MYO3B: variants seen among roughly 807,000 people sequenced by gnomAD.
MYO3B encodes the protein myosin-IIIb.
A neutral mutation model predicts 174.6 loss-of-function variants in MYO3B; 156 were observed. The ratio of observed to expected loss-of-function variants is 0.89; its 90% CI spans 0.78 to 1.02. The LOEUF is 1.02. Ranked by LOEUF, MYO3B falls within the 50% of genes least tolerant of loss-of-function variation. The pLI, the probability that MYO3B is intolerant of heterozygous loss-of-function variation, is 0.00. For synonymous variants in MYO3B, 563 were observed against 569.1 expected (o/e 0.99, Z 0.15); for missense variants, 1,632 against 1,639.4 (o/e 1.00, Z 0.08).
chr2:170,440,629 T>G (rs1390865109), intron 22 of MYO3B, among the ~76,000 whole-genome samples: 1 of 151,214 alleles, frequency 6.6e-6, no homozygotes. Context: ...GGCGCGTGCC[T>G]CTAATCCCAG....
Position 170,403,337 on chromosome 2 carries a change from C to T in MYO3B, c.2277+342C>T, listed in dbSNP as rs533034625. Among the ~76,000 whole-genome samples the T allele has an allele frequency of 5.9e-5, 9 of 152,198 alleles. No individual in the cohort carries two copies. The South Asian group carries it at 1.9e-3, about 32-fold the overall frequency. On this transcript the variant is annotated intron_variant, in intron 19 of 34. Coordinates refer to ENST00000408978, the MANE Select transcript of MYO3B (RefSeq NM_138995.5). ...AAAATGACACAGATGACCTTGAATT[C>T]GGGACATAGGTTCTTAACTGCTACA...
chr2:170,481,990 G>C (rs989435388), intron 25 of MYO3B, among the ~76,000 whole-genome samples: 38 of 152,122 alleles, frequency 2.5e-4, no homozygotes, highest in African/African-American at 8.5e-4. Context: ...GTTTGGCTGT[G>C]TCCTCACCCA....
chr2:170,433,763 A>G (rs922393835), intron 22 of MYO3B, among the ~76,000 whole-genome samples: 3 of 152,234 alleles, frequency 2.0e-5, no homozygotes, highest in Admixed American at 2.0e-4. Context: ...CAGAGGCTAT[A>G]CCATCTAGGT....
chr2:170,323,199 T>C lies in MYO3B; in HGVS notation c.750-12186T>C, dbSNP rs535370703. On this transcript the variant is annotated intron_variant, in intron 7 of 34. Transcript: ENST00000408978. ...GGTCTTATTGTGGTAAAATGACCCA[T>C]TTGGTTTTACCAGCTGTGACTTTGG... Among the ~76,000 whole-genome samples, 3 of 152,318 alleles carry C rather than the reference T, an allele frequency of 2.0e-5. No individual in the cohort carries two copies. In the South Asian group the frequency reaches 6.2e-4, roughly 32 times the overall value.
intron 7 of MYO3B, among the ~76,000 whole-genome samples, chr2:170,250,261 A>G (rs1262859579): frequency 6.6e-6 from 1 of 152,240 alleles, no homozygotes; most frequent in Non-Finnish European, 1.5e-5. Context: ...CATCTTATTC[A>G]TTTTAAAATT....
At position 170,501,718 on chromosome 2, in the gene MYO3B, C is replaced by G. The variant is rs911878761; in HGVS notation, c.3290-67C>G. On this transcript the variant is annotated intron_variant, in intron 27 of 34. Coordinates refer to ENST00000408978, the MANE Select transcript of MYO3B (RefSeq NM_138995.5). Reference sequence around the variant, plus strand: ...GGCAATAGGCTGGAGGGGAAAACAGCTTATATCAATTCTCTGGCACGTTCT... The same window carrying G: ...GGCAATAGGCTGGAGGGGAAAACAGGTTATATCAATTCTCTGGCACGTTCT... 23 of 1,082,118 alleles carry G rather than the reference C, an allele frequency of 2.1e-5. No individual in the cohort carries two copies. In the African/African-American group the frequency reaches 3.4e-4, roughly 16 times the overall value. The allele number at this position is 1,082,118 out of a possible 1,614,324, so 67.0% of individuals were successfully genotyped here.
Position 170,432,797 on chromosome 2 carries a change from G to A in MYO3B, c.2651-11170G>A, listed in dbSNP as rs927516417. Among the ~76,000 whole-genome samples, 9 of 151,504 alleles carry A rather than the reference G, an allele frequency of 5.9e-5. No individual in the cohort carries two copies. In the South Asian group the frequency reaches 1.3e-3, roughly 21 times the overall value. ...TCACCGTGTTAGCCAGGATGGTCTC[G>A]ATCTCCTGACCTTGTGATCCACCTG... On this transcript the variant is annotated intron_variant, in intron 22 of 34. Transcript: ENST00000408978.
intron 8 of MYO3B, among the ~76,000 whole-genome samples, chr2:170,335,910 T>C (rs1252678108): frequency 2.6e-5 from 4 of 152,112 alleles, no homozygotes; most frequent in Non-Finnish European, 5.9e-5. Context: ...AAGTAGAATC[T>C]CAGGCTTGGG....
intron 7 of MYO3B, among the ~76,000 whole-genome samples, chr2:170,330,595 G>C (rs553856527): frequency 8.7e-4 from 132 of 152,304 alleles, no homozygotes; most frequent in South Asian, 2.1e-3. Flanking sequence ...CTCAACATAT[G>C]ATGGTTATTG....
intron 3 of MYO3B, among the ~76,000 whole-genome samples, chr2:170,203,148 T>C (rs1260110696): frequency 6.6e-6 from 1 of 152,186 alleles, no homozygotes; most frequent in Non-Finnish European, 1.5e-5. Context: ...TTTAAAAATC[T>C]ATAAGTCCGC....
intron 16 of MYO3B, among the ~76,000 whole-genome samples, chr2:170,398,344 C>G (rs888684654): frequency 6.6e-6 from 1 of 152,030 alleles, no homozygotes; most frequent in African/African-American, 2.4e-5. Flanking sequence ...GAGCACACCA[C>G]TCTCCCAGCA....
intron 32 of MYO3B, among the ~76,000 whole-genome samples, chr2:170,593,865 C>T (rs191559701): frequency 5.3e-5 from 8 of 152,274 alleles, no homozygotes; most frequent in African/African-American, 1.4e-4. Flanking sequence ...TATCATGAAA[C>T]ATCCAAACAT....
intron 30 of MYO3B, among the ~76,000 whole-genome samples, chr2:170,536,482 C>T (rs141097454): frequency 0.013 from 2,030 of 152,322 alleles, 20 homozygotes; most frequent in Non-Finnish European, 0.023. Context: ...GGTATCCAAA[C>T]CTGATGAGAA....
chr2:170,350,063 G>A (rs575626112), intron 8 of MYO3B, among the ~76,000 whole-genome samples: 4 of 151,682 alleles, frequency 2.6e-5, no homozygotes, highest in East Asian at 1.9e-4. Flanking sequence ...TTGCAGTGGC[G>A]CGATCTCGGC....
intron 32 of MYO3B, among the ~76,000 whole-genome samples, chr2:170,582,137 G>A (rs1338411714): frequency 6.6e-6 from 1 of 152,160 alleles, no homozygotes; most frequent in African/African-American, 2.4e-5. Context: ...ACATAACTTC[G>A]TGAAGAAGTA....
chr2:170,210,895 C>T (rs1424342818), intron 3 of MYO3B, among the ~76,000 whole-genome samples: 1 of 152,160 alleles, frequency 6.6e-6, no homozygotes, highest in African/African-American at 2.4e-5. Flanking sequence ...ACACACAACA[C>T]ATATGTAACT....
chr2:170,416,623 C>CTTTTTTTT (rs80194434), intron 22 of MYO3B, among the ~76,000 whole-genome samples: 1 of 139,876 alleles, frequency 7.1e-6, no homozygotes. Flanking sequence ...ATCCAAACTC[C>CTTTTTTTT]TTTTTTTTTT....
chr2:170,314,742 G>T (rs561542367), intron 7 of MYO3B, among the ~76,000 whole-genome samples: 1 of 152,320 alleles, frequency 6.6e-6, no homozygotes, highest in African/African-American at 2.4e-5. Flanking sequence ...TAAGATTTGG[G>T]TTAGTTGGCA....
chr2:170,598,382 C>T (rs1694282022), intron 32 of MYO3B, among the ~76,000 whole-genome samples: 1 of 152,230 alleles, frequency 6.6e-6, no homozygotes, highest in African/African-American at 2.4e-5. Flanking sequence ...CATGGCCTGC[C>T]TCCATCTGAA....
Sources: allele counts gnomAD v4.1 joint callset (sites outside exome capture counted in the v4.1 genomes callset), GRCh38; gene constraint gnomAD v4.1.1; transcripts MANE v1.5; gene names NCBI Gene and HGNC (gene_info 2026-07-23, HGNC 2026-07-21).